Variants in JAK1 observed in about 807,000 individuals in gnomAD.
JAK1 encodes the protein tyrosine-protein kinase JAK1.
Under a neutral mutation model 136.6 loss-of-function variants are expected in JAK1, and 16 were observed. The ratio of observed to expected loss-of-function variants is 0.12; its 90% CI spans 0.08 to 0.18. The LOEUF (loss-of-function observed/expected upper bound fraction) is 0.18. Ranked by LOEUF, JAK1 falls within the 10% of genes least tolerant of loss-of-function variation. JAK1 has a pLI of 1.00. For synonymous variants in JAK1, 492 were observed against 519.5 expected, an observed-to-expected ratio of 0.95 and a Z score of 0.72; for missense variants, 859 against 1,450.1, an observed-to-expected ratio of 0.59 and a Z score of 6.62.
chr1:64,840,731 C>T (rs1654840431), intron 19 of JAK1, among the ~76,000 whole-genome samples: 1 of 151,990 alleles, frequency 6.6e-6, no homozygotes, highest in Non-Finnish European at 1.5e-5. Flanking sequence ...ACTCAGGAGG[C>T]TGAGGCAGGA....
intron 13 of JAK1, 120 bp from the exon 14 acceptor site, chr1:64,846,856 G>T: frequency 2.8e-6 from 2 of 703,044 alleles, no homozygotes; most frequent in Non-Finnish European, 5.0e-6. Flanking sequence ...GCCACCCCAG[G>T]CCCTGAACAT....
At chr1:64,953,698 C>T (rs1646132186) in intron 1 of JAK1, among the ~76,000 whole-genome samples, 1 of 152,032 alleles carries the variant, frequency 6.6e-6, no homozygotes, top group Admixed American at 6.5e-5. Context: ...CTTGCTCTGT[C>T]CCCCAGGCCA....
chr1:64,952,908 C>T (rs1177527851), intron 1 of JAK1, among the ~76,000 whole-genome samples: 3 of 152,164 alleles, frequency 2.0e-5, no homozygotes, highest in African/African-American at 7.2e-5. Flanking sequence ...ATCCTATTAT[C>T]CTTTTACAGA....
At chr1:64,850,758 G>C in intron 12 of JAK1, 46 bp downstream of exon 12, 1 of 1,286,948 alleles carries the variant, frequency 7.8e-7, no homozygotes, top group Non-Finnish European at 1.1e-6. Context: ...CTCCATCGTG[G>C]GGAGGCAGGA....
At chr1:64,937,250 A>T (rs771482413) in intron 1 of JAK1, among the ~76,000 whole-genome samples, 22 of 152,128 alleles carry the variant, frequency 1.4e-4, no homozygotes, top group Non-Finnish European at 3.1e-4. Flanking sequence ...GAAAACTCAA[A>T]GTCTCCAGAG....
intron 4 of JAK1, 84 bp from the exon 5 acceptor site, chr1:64,873,607 G>A (rs978679424): frequency 7.2e-6 from 11 of 1,526,136 alleles, no homozygotes; most frequent in South Asian, 1.1e-5. Context: ...ACAGTGGTCA[G>A]TGCCGGAGGC....
At chr1:64,837,466 C>T (rs1654559185) in intron 22 of JAK1, among the ~76,000 whole-genome samples, 1 of 152,158 alleles carries the variant, frequency 6.6e-6, no homozygotes, top group African/African-American at 2.4e-5. Flanking sequence ...ACCTGGGAAC[C>T]TCTGGTGATT....
At chr1:64,846,795 G>T (rs1225944624) in intron 13 of JAK1, 59 bp from the exon 14 acceptor site, 39 of 1,379,798 alleles carry the variant, frequency 2.8e-5, no homozygotes, top group Non-Finnish European at 4.0e-5. Context: ...CTGCTCCCCA[G>T]GGGCTCTGTT....
At chr1:64,895,513 C>T (rs971280044) in intron 1 of JAK1, among the ~76,000 whole-genome samples, 1 of 152,176 alleles carries the variant, frequency 6.6e-6, no homozygotes, top group Non-Finnish European at 1.5e-5. Flanking sequence ...AGACATTCCC[C>T]AGCTGAATAT....
intron 7 of JAK1, 100 bp downstream of exon 7, chr1:64,866,766 G>A: frequency 6.1e-6 from 5 of 813,954 alleles, no homozygotes; most frequent in Non-Finnish European, 1.0e-5. Context: ...TCAGCCTATG[G>A]GAGTGATGGA....
chr1:65,029,072 T>G (rs1647001846), intron 2 of JAK1, among the ~76,000 whole-genome samples: 1 of 152,118 alleles, frequency 6.6e-6, no homozygotes, highest in Non-Finnish European at 1.5e-5. Flanking sequence ...GATACCATCT[T>G]CTTACAATAG....
intron 1 of JAK1, among the ~76,000 whole-genome samples, chr1:64,902,967 T>C (rs1645134421): frequency 6.6e-6 from 1 of 152,120 alleles, no homozygotes; most frequent in Admixed American, 6.5e-5. Flanking sequence ...TGTAAGGTCT[T>C]TGCCCCGTTT....
Position 65,024,825 on chromosome 1 carries a change from A to G in JAK1, c.-78+19655T>C, listed in dbSNP as rs146496172. On this transcript the variant is annotated intron_variant, in intron 2 of 25. Transcript: ENST00000671954. Reference sequence around the variant, plus strand: ...GACCCCATTTCTACTAAAAATACAAAAATTAGCCAGTCGTGGTGGCAGGCA... The same window carrying G: ...GACCCCATTTCTACTAAAAATACAAGAATTAGCCAGTCGTGGTGGCAGGCA... Among the ~76,000 whole-genome samples the G allele has an allele frequency of 3.9e-3, 595 of 152,202 alleles. 1 individual carries two copies. Among genetic ancestry groups the G allele is most frequent in the Middle Eastern group, 0.014 (4 of 294 alleles).
chr1:65,065,516 G>A (rs1218806747), intron 1 of JAK1, among the ~76,000 whole-genome samples: 1 of 150,118 alleles, frequency 6.7e-6, no homozygotes, highest in African/African-American at 2.5e-5. Flanking sequence ...GAGGAGGGGA[G>A]GGTCGACTGG....
intron 2 of JAK1, among the ~76,000 whole-genome samples, chr1:65,033,717 C>T (rs1647045061): frequency 7.7e-6 from 1 of 129,292 alleles, no homozygotes; most frequent in East Asian, 2.6e-4. Context: ...GTGAGACTCC[C>T]GTAGTACCAA....
chr1:64,876,366 G>A (rs1644667230), intron 4 of JAK1: 1 of 152,226 alleles, frequency 6.6e-6, no homozygotes, highest in Admixed American at 6.5e-5. Context: ...AGGCTGCTGA[G>A]AGCCCTGTGG....
chr1:65,052,110 G>A (rs1338128555), intron 1 of JAK1, among the ~76,000 whole-genome samples: 4 of 136,858 alleles, frequency 2.9e-5, no homozygotes, highest in South Asian at 2.4e-4. Flanking sequence ...GCACCACCAC[G>A]CCTGGCTATT....
At chr1:65,048,704 A>G (rs1647212827) in intron 1 of JAK1, among the ~76,000 whole-genome samples, 1 of 152,206 alleles carries the variant, frequency 6.6e-6, no homozygotes, top group African/African-American at 2.4e-5. Context: ...GCTTTCCTTC[A>G]CAGAGCCTGC....
At chr1:65,036,854 G>A (rs1345409572) in intron 2 of JAK1, among the ~76,000 whole-genome samples, 4 of 152,168 alleles carry the variant, frequency 2.6e-5, no homozygotes, top group Non-Finnish European at 5.9e-5. Flanking sequence ...CATAACTAGA[G>A]TAATTACAGT....
Sources: allele counts gnomAD v4.1 joint callset (sites outside exome capture counted in the v4.1 genomes callset), GRCh38; gene constraint gnomAD v4.1.1; transcripts MANE v1.5; gene names NCBI Gene and HGNC (gene_info 2026-07-23, HGNC 2026-07-21).